VPS13B: variants seen among roughly 807,000 people sequenced by gnomAD.
VPS13B encodes the protein vacuolar protein sorting 13 homolog B.
Under a neutral mutation model 426.4 loss-of-function variants are expected in VPS13B, and 285 were observed. That is an observed-to-expected ratio of 0.67 (90% CI 0.61 to 0.74). The LOEUF (loss-of-function observed/expected upper bound fraction) is 0.74. VPS13B is among the 30% of genes least tolerant of loss of function. The pLI is 0.00. For missense variants in VPS13B, 4,537 were observed against 4,782.6 expected (o/e 0.95, Z 1.51); for synonymous variants, 1,676 against 1,676.4 (o/e 1.00, Z 0.01).
chr8:99,493,025 G>A (rs994260286), intron 25 of VPS13B, among the ~76,000 whole-genome samples: 3 of 152,132 alleles, frequency 2.0e-5, no homozygotes, highest in East Asian at 1.9e-4. Flanking sequence ...TATTATATAC[G>A]TAATTTATCT....
intron 56 of VPS13B, among the ~76,000 whole-genome samples, chr8:99,858,678 C>T (rs1010687474): frequency 2.7e-5 from 4 of 150,932 alleles, no homozygotes; most frequent in Non-Finnish European, 4.4e-5. Flanking sequence ...GAGTGAGACT[C>T]GATCTCAAAA....
chr8:99,351,287 A>T (rs1275313444), intron 19 of VPS13B, among the ~76,000 whole-genome samples: 5 of 152,162 alleles, frequency 3.3e-5, no homozygotes, highest in African/African-American at 9.7e-5. Flanking sequence ...TCCTATACAG[A>T]TTCGGATTAG....
At chr8:99,067,309 A>T (rs10103431) in intron 3 of VPS13B, among the ~76,000 whole-genome samples, 1 of 151,938 alleles carries the variant, frequency 6.6e-6, no homozygotes, top group African/African-American at 2.4e-5. Context: ...AATACTATGC[A>T]GCCATAAAAA....
rs376498106 is a variant in VPS13B at position 99,103,045 on chromosome 8, C to A, written c.505C>A (p.Leu169Ile). 6.3e-5 allele frequency: 101 copies of A among 1,613,486 alleles called. No individual in the cohort carries two copies. The African/African-American group carries it at 1.2e-3, about 19-fold the overall frequency. The change falls in exon 5 of 62, where the codon CTT becomes ATT. Residue 169 changes from leucine to isoleucine, a missense_variant. Leu to Ile is a conservative substitution (Grantham distance 5). Coordinates refer to ENST00000357162, the MANE Select transcript of VPS13B (RefSeq NM_152564.5). ...ILKYVEDDIV[L>I]SVNITSAECY... ...AAAATATGTTGAAGATGATATCGTC[C>A]TTTCCGTCAATATCACTTCTGCAGA...
Position 99,275,196 on chromosome 8 carries a change from A to G in VPS13B, c.2766A>G (p.Pro922=), listed in dbSNP as rs777389056. ...ESRKPESLLA[P]DLMAFTIQVP... Reference sequence around the variant, plus strand: ...GAAAGCCAGAGTCTCTCTTAGCTCCAGATTTGATGGCCTTCACAATCCAAG... The same window carrying G: ...GAAAGCCAGAGTCTCTCTTAGCTCCGGATTTGATGGCCTTCACAATCCAAG... Residue 922 remains proline (P), a synonymous_variant, in exon 19 of 62, where the codon CCA becomes CCG. Transcript: ENST00000357162. 2 of 1,613,226 alleles carry G rather than the reference A, an allele frequency of 1.2e-6. No individual in the cohort carries two copies. Among genetic ancestry groups the G allele is most frequent in the Non-Finnish European group, 1.7e-6 (2 of 1,179,544 alleles).
At chr8:99,767,994 A>C (rs1012064301) in intron 40 of VPS13B, among the ~76,000 whole-genome samples, 1 of 152,158 alleles carries the variant, frequency 6.6e-6, no homozygotes, top group African/African-American at 2.4e-5. Context: ...TAACACATCC[A>C]CTAATTTACA....
At chr8:99,226,686 G>A (rs2132844738) in intron 17 of VPS13B, among the ~76,000 whole-genome samples, 1 of 152,134 alleles carries the variant, frequency 6.6e-6, no homozygotes, top group East Asian at 1.9e-4. Flanking sequence ...CATGTTATAG[G>A]TATAGTAATT....
intron 5 of VPS13B, among the ~76,000 whole-genome samples, chr8:99,107,163 A>G (rs142857865): frequency 5.3e-5 from 8 of 152,300 alleles, no homozygotes; most frequent in African/African-American, 1.7e-4. Context: ...AGGCTGTATT[A>G]AAATATTGCA....
intron 47 of VPS13B, 150 bp from the exon 48 acceptor site, chr8:99,819,262 C>G (rs932803920): frequency 1.1e-6 from 1 of 903,388 alleles, no homozygotes; most frequent in Non-Finnish European, 1.7e-6. Context: ...AAGCCAGGGC[C>G]CAGATCATCC....
At chr8:99,631,951 A>G (rs1385360234) in intron 33 of VPS13B, among the ~76,000 whole-genome samples, 4 of 151,992 alleles carry the variant, frequency 2.6e-5, no homozygotes, top group African/African-American at 9.7e-5. Flanking sequence ...GAAATATTTT[A>G]TCCCAATAAA....
intron 36 of VPS13B, among the ~76,000 whole-genome samples, chr8:99,712,249 C>T (rs149221243): frequency 1.6e-4 from 24 of 152,200 alleles, no homozygotes; most frequent in Non-Finnish European, 2.9e-4. Context: ...CTCTGCGTTA[C>T]GCAGCTTCAG....
At chr8:99,582,818 G>A (rs1180884358) in intron 33 of VPS13B, among the ~76,000 whole-genome samples, 1 of 152,034 alleles carries the variant, frequency 6.6e-6, no homozygotes, top group Non-Finnish European at 1.5e-5. Flanking sequence ...ACCACGCCCG[G>A]CTAATTTTTT....
rs528373917 is a variant in VPS13B, at chr8:99,462,200, T to C, written c.3446-5214T>C. 4.0e-5 allele frequency among the ~76,000 whole-genome samples: 6 copies of C among 151,298 alleles called. No homozygotes were observed. The East Asian group carries it at 1.2e-3, about 30-fold the overall frequency. ...TCCCTCCCTCCATCTCTTCCTTTTG[T>C]GTACTGTATGCTATGCACTGTGTTT... On this transcript the variant is annotated intron_variant, in intron 23 of 61. Coordinates refer to ENST00000357162, the MANE Select transcript of VPS13B (RefSeq NM_152564.5).
chr8:99,875,126 G>A (rs1292540451), intron 61 of VPS13B: 6 of 435,386 alleles, frequency 1.4e-5, no homozygotes, highest in South Asian at 2.3e-5. Flanking sequence ...TTTTAATGGT[G>A]AGTAGAATGT....
chr8:99,440,805 G>A (rs1817644559), intron 22 of VPS13B, among the ~76,000 whole-genome samples: 1 of 151,926 alleles, frequency 6.6e-6, no homozygotes, highest in Non-Finnish European at 1.5e-5. Context: ...GTGTATGGTA[G>A]CATACTAAAC....
chr8:99,614,479 G>C (rs1433775765), intron 33 of VPS13B, among the ~76,000 whole-genome samples: 1 of 152,002 alleles, frequency 6.6e-6, no homozygotes, highest in Non-Finnish European at 1.5e-5. Context: ...GTTTCTGCAT[G>C]TTTGGTCAGG....
intron 3 of VPS13B, among the ~76,000 whole-genome samples, chr8:99,092,494 C>G (rs927627911): frequency 6.6e-6 from 1 of 152,110 alleles, no homozygotes; most frequent in Non-Finnish European, 1.5e-5. Context: ...GTGATGCCTA[C>G]TGGTTAAAAG....
chr8:99,416,256 G>A (rs554029768), intron 21 of VPS13B, among the ~76,000 whole-genome samples: 1 of 152,120 alleles, frequency 6.6e-6, no homozygotes, highest in East Asian at 1.9e-4. Context: ...AAGGGTGGAT[G>A]CCCCCGCCCC....
At chr8:99,305,558 A>C (rs1438935117) in intron 19 of VPS13B, among the ~76,000 whole-genome samples, 1 of 152,092 alleles carries the variant, frequency 6.6e-6, no homozygotes, top group South Asian at 2.1e-4. Flanking sequence ...GCACTTATCA[A>C]ACAATATGAT....
Sources: allele counts gnomAD v4.1 joint callset (sites outside exome capture counted in the v4.1 genomes callset), GRCh38; gene constraint gnomAD v4.1.1; transcripts MANE v1.5; gene names NCBI Gene and HGNC (gene_info 2026-07-23, HGNC 2026-07-21).